The following RBMS3 variants were observed in gnomAD, a reference collection of about 807,000 sequenced individuals.
RBMS3 encodes the protein RNA binding motif single stranded interacting protein 3, also known as RNA-binding motif, single-stranded-interacting protein 3.
Under a neutral mutation model 66.8 loss-of-function variants are expected in RBMS3, and 27 were observed. The ratio of observed to expected loss-of-function variants is 0.40; its 90% confidence interval spans 0.30 to 0.56. The LOEUF is 0.56. Among genes scored for constraint, RBMS3 ranks in the 20% least tolerant of loss-of-function variants. The pLI is 0.40. For synonymous variants in RBMS3, 188 were observed against 183.0 expected (o/e 1.03, Z -0.22); for missense variants, 513 against 549.5 (o/e 0.93, Z 0.66).
intron 1 of RBMS3, among the ~76,000 whole-genome samples, chr3:29,421,612 G>A (rs141458070): frequency 1.4e-3 from 220 of 152,270 alleles, no homozygotes; most frequent in Non-Finnish European, 2.2e-3. Context: ...CTCAGAATCT[G>A]TGTATTCTAA....
At chr3:29,720,133 G>A (rs2053581052) in intron 4 of RBMS3, among the ~76,000 whole-genome samples, 1 of 151,896 alleles carries the variant, frequency 6.6e-6, no homozygotes, top group African/African-American at 2.4e-5. Context: ...CACCCACATT[G>A]GCCCTTTTTA....
At chr3:29,370,058 T>C (rs1261114874) in intron 1 of RBMS3, among the ~76,000 whole-genome samples, 1 of 152,236 alleles carries the variant, frequency 6.6e-6, no homozygotes, top group Non-Finnish European at 1.5e-5. Context: ...CTTTCGTACA[T>C]TCAGGGATGA....
chr3:29,354,358 A>G lies in RBMS3; in HGVS notation c.75+72602A>G, dbSNP rs979604985. Among the ~76,000 whole-genome samples, 4 of 152,214 alleles carry G rather than the reference A, an allele frequency of 2.6e-5. No homozygotes were observed. The South Asian group carries it at 6.2e-4, about 24-fold the overall frequency. ...CATAATAGACTTTTGTTCATTTATG[A>G]TGCAAAAATTAACTCTGAAGCAAAC... is the stretch of plus-strand genomic sequence containing the variant. On this transcript the variant is annotated intron_variant, in intron 1 of 14. Coordinates refer to ENST00000383767, the MANE Select transcript of RBMS3 (RefSeq NM_001003793.3).
At chr3:29,382,267 GA>G (rs1299233833) in intron 1 of RBMS3, among the ~76,000 whole-genome samples, 1 of 152,172 alleles carries the variant, frequency 6.6e-6, no homozygotes, top group Non-Finnish European at 1.5e-5. Context: ...ACCTTCAGTA[GA>G]AGACTAACAT....
At chr3:29,490,137 A>AAATTTAAAATTTAATTTAAAATTAAATTT (rs1559405889) in intron 3 of RBMS3, among the ~76,000 whole-genome samples, 24 of 151,130 alleles carry the variant, frequency 1.6e-4, no homozygotes, top group African/African-American at 5.3e-4. Flanking sequence ...TGGATATTTT[A>AAATTTAAAATTTAATTTAAAATTAAATTT]AATTTAAAAT....
chr3:29,392,111 A>G (rs2039326824), intron 1 of RBMS3, among the ~76,000 whole-genome samples: 1 of 152,086 alleles, frequency 6.6e-6, no homozygotes, highest in Non-Finnish European at 1.5e-5. Context: ...TGAGCCAGGC[A>G]TGGTGGCACA....
intron 4 of RBMS3, among the ~76,000 whole-genome samples, chr3:29,618,246 G>A (rs1354900213): frequency 6.6e-6 from 1 of 152,118 alleles, no homozygotes; most frequent in East Asian, 1.9e-4. Context: ...TGTAATCCTA[G>A]CACTTTGGGA....
At chr3:29,282,997 T>A (rs569124198) in intron 1 of RBMS3, among the ~76,000 whole-genome samples, 1 of 152,266 alleles carries the variant, frequency 6.6e-6, no homozygotes, top group Non-Finnish European at 1.5e-5. Flanking sequence ...GCTATTTGCC[T>A]TTGTGAGCAT....
chr3:29,582,306 T>C lies in RBMS3; in HGVS notation c.308-4808T>C, dbSNP rs529517308. On this transcript the variant is annotated intron_variant, in intron 3 of 14. Transcript: ENST00000383767. The stretch of plus-strand genomic sequence containing the variant: ...GGGTTTAAAACATTTCAGGAAAGCA[T>C]TGATTATATCTGCCAATGGAATGAG... Among the ~76,000 whole-genome samples, 6 of 152,320 alleles carry C rather than the reference T, an allele frequency of 3.9e-5. No homozygotes were observed. In the East Asian group the frequency reaches 9.6e-4, roughly 24 times the overall value.
intron 3 of RBMS3, among the ~76,000 whole-genome samples, chr3:29,566,258 C>T (rs2046738360): frequency 6.6e-6 from 1 of 152,112 alleles, no homozygotes; most frequent in Admixed American, 6.6e-5. Flanking sequence ...CAATGAAGGA[C>T]ATTAACAGCA....
chr3:29,544,678 AAAG>A lies in RBMS3; in HGVS notation c.308-42432_308-42430del, dbSNP rs1478763294. 4.9e-5 allele frequency among the ~76,000 whole-genome samples: 7 copies of A among 142,804 alleles called. No homozygotes were observed. The East Asian group carries it at 1.4e-3, about 29-fold the overall frequency. 93.7% of individuals were successfully genotyped at this position (142,804 alleles called of 152,430 possible). A position where few individuals can be genotyped will look rare whatever the true frequency, so the allele number is the denominator to read the frequency against. On this transcript the variant is annotated intron_variant, in intron 3 of 14. Coordinates refer to ENST00000383767, the MANE Select transcript of RBMS3 (RefSeq NM_001003793.3). The stretch of plus-strand genomic sequence containing the variant: ...CTCGAGAATATCCTTAGATAAGAAA[AAAG>A]AAGGGAGTGAAATGTAAATGTGTGT...
At chr3:29,605,728 A>G (rs145948102) in intron 4 of RBMS3, among the ~76,000 whole-genome samples, 1 of 151,830 alleles carries the variant, frequency 6.6e-6, no homozygotes, top group South Asian at 2.1e-4. Context: ...CAGCTTTGGG[A>G]CCCTTTTTTA....
At chr3:29,844,214 G>A (rs1179782409) in intron 6 of RBMS3, among the ~76,000 whole-genome samples, 1 of 152,094 alleles carries the variant, frequency 6.6e-6, no homozygotes, top group Non-Finnish European at 1.5e-5. Flanking sequence ...TTACTGAGGT[G>A]TGCTGAGAAA....
At chr3:30,002,899 C>A (rs1441966471) in intron 14 of RBMS3, among the ~76,000 whole-genome samples, 3 of 151,910 alleles carry the variant, frequency 2.0e-5, no homozygotes, top group African/African-American at 7.3e-5. Context: ...TGAAATTTAG[C>A]CCCCACTCCC....
At chr3:29,565,350 G>T (rs1477737709) in intron 3 of RBMS3, among the ~76,000 whole-genome samples, 1 of 152,136 alleles carries the variant, frequency 6.6e-6, no homozygotes, top group Non-Finnish European at 1.5e-5. Flanking sequence ...GTGAATTTTT[G>T]TGTGTTTGAA....
chr3:29,309,304 G>T (rs1168143677), intron 1 of RBMS3, among the ~76,000 whole-genome samples: 2 of 151,776 alleles, frequency 1.3e-5, no homozygotes, highest in Non-Finnish European at 2.9e-5. Flanking sequence ...GGAAGTGTGT[G>T]TTAGTCTGTC....
intron 12 of RBMS3, among the ~76,000 whole-genome samples, chr3:29,983,754 C>T (rs1412331415): frequency 2.0e-5 from 3 of 152,118 alleles, no homozygotes; most frequent in Non-Finnish European, 4.4e-5. Flanking sequence ...TCTCTTCTGG[C>T]TTGTAGGGTT....
chr3:29,954,906 T>G (rs1231035791), intron 12 of RBMS3, among the ~76,000 whole-genome samples: 1 of 152,076 alleles, frequency 6.6e-6, no homozygotes, highest in Admixed American at 6.6e-5. Context: ...AATATGTTAA[T>G]AGAACAATTA....
chr3:29,299,798 G>C (rs959638739), intron 1 of RBMS3, among the ~76,000 whole-genome samples: 2 of 151,756 alleles, frequency 1.3e-5, no homozygotes, highest in African/African-American at 4.8e-5. Context: ...GGGGGTGGGG[G>C]TTCCTGGAAT....
Sources: gnomAD v4.1 joint callset for allele counts (sites outside exome capture counted in the v4.1 genomes callset) on GRCh38, gnomAD v4.1.1 for gene constraint, MANE v1.5 for transcripts, NCBI Gene and HGNC (gene_info 2026-07-23, HGNC 2026-07-21) for gene names.